MRM1: variants seen among roughly 807,000 people sequenced by gnomAD.
MRM1 encodes mitochondrial rRNA methyltransferase 1, also known as rRNA methyltransferase 1, mitochondrial.
MRM1 carries 24 observed loss-of-function variants against 25.0 expected under a neutral mutation model. The observed-to-expected ratio is 0.96, with a 90% CI of 0.69 to 1.35. The LOEUF (loss-of-function observed/expected upper bound fraction) is 1.35. MRM1 is among the 40% of genes most tolerant of loss of function. MRM1 has a pLI of 0.00. For missense variants in MRM1, 431 were observed against 464.1 expected (o/e 0.93, Z 0.65); for synonymous variants, 188 against 199.2 (o/e 0.94, Z 0.47).
At chr17:36,627,677 T>G in the MRM1 span, among the ~76,000 whole-genome samples, 1 of 138,202 alleles carries the variant, frequency 7.2e-6, no homozygotes, top group Non-Finnish European at 1.6e-5. Flanking sequence ...GGACACTGTT[T>G]TTTTTTTTTT....
chr17:36,632,919 C>A, the MRM1 span, among the ~76,000 whole-genome samples: 1 of 151,924 alleles, frequency 6.6e-6, no homozygotes. Flanking sequence ...GGCACACAGC[C>A]GTAAAATGGC....
intron 2 of MRM1, chr17:36,603,174 C>CA (rs924049500): frequency 1.2e-5 from 12 of 982,668 alleles, no homozygotes; most frequent in Admixed American, 6.2e-5. Flanking sequence ...CATACCCCCC[C>CA]CAACCCCCAC....
chr17:36,623,031 C>A, the MRM1 span, among the ~76,000 whole-genome samples: 1 of 152,204 alleles, frequency 6.6e-6, no homozygotes, highest in Non-Finnish European at 1.5e-5. Context: ...CTTGATGGAG[C>A]CCCTACTGAT....
Position 36,602,843 on chromosome 17 carries a change from G to T in MRM1, c.636+197G>T, listed in dbSNP as rs1433879410. 6 of 801,056 alleles carry T rather than the reference G, an allele frequency of 7.5e-6. No individual in the cohort carries two copies. Among genetic ancestry groups the T allele is most frequent in the South Asian group, 1.1e-4 (2 of 17,476 alleles). 49.6% of individuals were successfully genotyped at this position (801,056 alleles called of 1,614,324 possible). ...GAGCATTAGCTGAATTCTTCCTAGCGTTATACCCTTTCCTGCACCCCTTCC... is the reference window on the plus strand; with the variant it reads ...GAGCATTAGCTGAATTCTTCCTAGCTTTATACCCTTTCCTGCACCCCTTCC... On this transcript the variant is annotated intron_variant, in intron 2 of 4. Coordinates refer to ENST00000614766, the MANE Select transcript of MRM1 (RefSeq NM_024864.5). This position sits in a 1 kb window ranked among gnomAD's most constrained non-coding sequence, Gnocchi z 4.1.
chr17:36,605,846 T>C (rs1380819595), intron 2 of MRM1, among the ~76,000 whole-genome samples: 1 of 150,620 alleles, frequency 6.6e-6, no homozygotes, highest in Non-Finnish European at 1.5e-5. Flanking sequence ...CACCATCATC[T>C]GTTGACCGTT....
intron 2 of MRM1, among the ~76,000 whole-genome samples, chr17:36,604,000 C>T (rs938917836): frequency 2.0e-5 from 3 of 152,188 alleles, no homozygotes; most frequent in African/African-American, 7.2e-5. Context: ...CATCACATCT[C>T]CCTACTGTCA....
At chr17:36,629,066 G>A in the MRM1 span, among the ~76,000 whole-genome samples, 1 of 152,196 alleles carries the variant, frequency 6.6e-6, no homozygotes, top group African/African-American at 2.4e-5. Flanking sequence ...CCTGTTCTTT[G>A]AGGCTCTTGT....
the MRM1 span, chr17:36,634,516 C>T: frequency 6.6e-6 from 1 of 152,202 alleles, no homozygotes; most frequent in Non-Finnish European, 1.5e-5. Flanking sequence ...CCTGCTTTTA[C>T]CTAACATCGA....
At chr17:36,613,409 G>A (rs1254902323), downstream of MRM1, among the ~76,000 whole-genome samples, 1 of 152,152 alleles carries the variant, frequency 6.6e-6, no homozygotes, top group Non-Finnish European at 1.5e-5. Context: ...GATTAATGGT[G>A]TTTACAAACA....
At position 36,602,287 on chromosome 17, in the gene MRM1, TG is replaced by T; in HGVS notation, c.481del (p.Ala161LeufsTer27). The T allele has an allele frequency of 6.2e-7, 1 of 1,601,974 alleles. No homozygotes were observed. The highest frequency in any genetic ancestry group is 1.1e-5 in the South Asian group (1 of 90,614). On this transcript the variant is annotated frameshift_variant, in exon 1 of 5. Transcript: ENST00000614766. LOFTEE classifies it high-confidence loss of function. This position sits in a 1 kb window ranked among gnomAD's most constrained non-coding sequence, Gnocchi z 4.1. ...ATGGGATCCAGGATCCCCGGAATTTTGGGGCTGTGCTGCGTTCCGCACACTT... is the reference window on the plus strand; with the variant it reads ...ATGGGATCCAGGATCCCCGGAATTTTGGGCTGTGCTGCGTTCCGCACACTT... ...LDGIQDPRNF[G>X]AVLRSAHFLG...
chr17:36,618,340 C>T, the MRM1 span, among the ~76,000 whole-genome samples: 15 of 152,134 alleles, frequency 9.9e-5, no homozygotes, highest in African/African-American at 2.9e-4. Context: ...AGCAAGTCAG[C>T]GACAACCAAT....
chr17:36,619,021 C>T, the MRM1 span, among the ~76,000 whole-genome samples: 9 of 152,296 alleles, frequency 5.9e-5, no homozygotes, highest in African/African-American at 1.4e-4. Flanking sequence ...CCTTACAAAA[C>T]GGAAACTCTA....
chr17:36,629,995 C>T, the MRM1 span, among the ~76,000 whole-genome samples: 2 of 152,256 alleles, frequency 1.3e-5, no homozygotes, highest in Admixed American at 6.5e-5. Context: ...GAGAGCAAGA[C>T]CCAGGCACAG....
chr17:36,624,370 T>C, the MRM1 span, among the ~76,000 whole-genome samples: 1 of 152,220 alleles, frequency 6.6e-6, no homozygotes, highest in Non-Finnish European at 1.5e-5. This position sits in a 1 kb window ranked among gnomAD's most constrained non-coding sequence, Gnocchi z 4.0. Context: ...GCTCTGTGCA[T>C]AGACCCCACC....
intron 2 of MRM1, among the ~76,000 whole-genome samples, chr17:36,606,750 G>A (rs1176518465): frequency 6.6e-6 from 1 of 151,784 alleles, no homozygotes; most frequent in Non-Finnish European, 1.5e-5. Context: ...TGGGACTACA[G>A]GCATGTGCCA....
the MRM1 span, among the ~76,000 whole-genome samples, chr17:36,624,575 C>A: frequency 3.9e-5 from 6 of 152,102 alleles, no homozygotes; most frequent in African/African-American, 1.4e-4. This position sits in a 1 kb window ranked among gnomAD's most constrained non-coding sequence, Gnocchi z 4.0. Context: ...CATAGGAGGC[C>A]GGTGTCTGCT....
At chr17:36,607,649 A>G (rs773353104) in intron 2 of MRM1, 21 bp from the exon 3 acceptor site, 2 of 1,600,934 alleles carry the variant, frequency 1.2e-6, no homozygotes. Context: ...GAATTAGAAC[A>G]TATCTTCTTC....
chr17:36,608,391 G>C lies in MRM1; in HGVS notation c.1038G>C (p.Glu346Asp). The change falls in exon 5 of 5, where the codon GAG becomes GAC. Residue 346 changes from glutamate to aspartate, a missense_variant. Coordinates refer to ENST00000614766, the MANE Select transcript of MRM1 (RefSeq NM_024864.5). ...AQHPGLSSGP[E>D]KERQNEG is the part of the protein sequence containing the mutation. The stretch of plus-strand genomic sequence containing the variant: ...ACCCAGGGCTGTCTTCAGGCCCAGA[G>C]AAAGAGAGGCAAAATGAGGGCTGAC... The C allele has an allele frequency of 6.3e-7, 1 of 1,580,880 alleles. No homozygotes were observed. The highest frequency in any genetic ancestry group is 2.3e-5 in the East Asian group (1 of 44,282).
chr17:36,610,012 G>C (rs2074965981), downstream of MRM1, among the ~76,000 whole-genome samples: 1 of 151,986 alleles, frequency 6.6e-6, no homozygotes, highest in Admixed American at 6.6e-5. Context: ...TGCATCCTCT[G>C]CCTCCCAGGT....
Sources: gnomAD v4.1 joint callset for allele counts (sites outside exome capture counted in the v4.1 genomes callset) on GRCh38, gnomAD v4.1.1 for gene constraint, Gnocchi (gnomAD v3.1) non-coding constraint, MANE v1.5 for transcripts, NCBI Gene and HGNC (gene_info 2026-07-23, HGNC 2026-07-21) for gene names.